The following LUZP1 variants were observed in gnomAD, a reference collection of about 807,000 sequenced individuals.
LUZP1 encodes filamin mechanobinding actin cross-linking protein.
In LUZP1, 25 loss-of-function variants were observed where a neutral mutation model predicts 71.3. That is an observed-to-expected ratio of 0.35 (90% CI 0.26 to 0.49). LUZP1 has a LOEUF of 0.49. Ranked by LOEUF, LUZP1 falls within the 20% of genes least tolerant of loss-of-function variation. The pLI is 0.99. For synonymous variants in LUZP1, 481 were observed against 506.4 expected, an observed-to-expected ratio of 0.95 and a Z score of 0.67; for missense variants, 1,142 against 1,300.8, an observed-to-expected ratio of 0.88 and a Z score of 1.88.
At chr1:23,091,133 A>T in intron 4 of LUZP1, 57 bp downstream of exon 3, 1 of 1,493,170 alleles carries the variant, frequency 6.7e-7, no homozygotes, top group Non-Finnish European at 9.0e-7. Context: ...AAAAAGGAAA[A>T]GGCAAAGAAG....
exon 5 of LUZP1, chr1:23,086,353 T>C (rs1298964886): frequency 6.6e-6 from 1 of 152,644 alleles, no homozygotes; most frequent in African/African-American, 2.4e-5. Context: ...CTGAAATAAC[T>C]GTTACAAGCA....
chr1:23,098,280 A>G (rs930359512), intron 3 of LUZP1, among the ~76,000 whole-genome samples: 5 of 152,214 alleles, frequency 3.3e-5, no homozygotes, highest in Admixed American at 3.3e-4. Context: ...AAACTAATGA[A>G]GTGAAGGTCC....
At chr1:23,113,528 G>A (rs1463546354) in intron 2 of LUZP1, among the ~76,000 whole-genome samples, 1 of 152,020 alleles carries the variant, frequency 6.6e-6, no homozygotes, top group Non-Finnish European at 1.5e-5. Context: ...CCCAGATGCT[G>A]AAATTCTCAG....
intron 2 of LUZP1, among the ~76,000 whole-genome samples, chr1:23,126,448 C>A (rs895993641): frequency 6.6e-6 from 1 of 152,146 alleles, no homozygotes; most frequent in African/African-American, 2.4e-5. Flanking sequence ...TGAGACCCAA[C>A]ATACTTGCTT....
At chr1:23,139,344 T>C (rs189332296) in intron 2 of LUZP1, among the ~76,000 whole-genome samples, 14 of 152,136 alleles carry the variant, frequency 9.2e-5, no homozygotes, top group African/African-American at 3.4e-4. Flanking sequence ...TACAACACAA[T>C]GTGTTAAGTG....
chr1:23,154,294 G>A (rs1431004353), intron 2 of LUZP1, among the ~76,000 whole-genome samples: 2 of 152,128 alleles, frequency 1.3e-5, no homozygotes, highest in Non-Finnish European at 2.9e-5. Context: ...AACTTTGGGA[G>A]GCCACAGTGG....
intron 2 of LUZP1, among the ~76,000 whole-genome samples, chr1:23,110,954 C>CT (rs1322318161): frequency 6.6e-6 from 1 of 152,092 alleles, no homozygotes; most frequent in Non-Finnish European, 1.5e-5. Flanking sequence ...AATCCCAGCA[C>CT]TTTGGGCGGC....
At chr1:23,137,451 G>A (rs1349715729) in intron 2 of LUZP1, among the ~76,000 whole-genome samples, 1 of 152,110 alleles carries the variant, frequency 6.6e-6, no homozygotes, top group African/African-American at 2.4e-5. Context: ...AACCAGCCTG[G>A]CCAACATGTC....
intron 2 of LUZP1, among the ~76,000 whole-genome samples, chr1:23,129,779 C>A (rs1644199650): frequency 6.6e-6 from 1 of 152,114 alleles, no homozygotes; most frequent in African/African-American, 2.4e-5. Context: ...AAAGATTTTC[C>A]TCCCCAGTTC....
At chr1:23,117,601 G>A (rs1461471614) in intron 2 of LUZP1, among the ~76,000 whole-genome samples, 1 of 151,282 alleles carries the variant, frequency 6.6e-6, no homozygotes, top group Non-Finnish European at 1.5e-5. Flanking sequence ...GAGGTGGATG[G>A]GTGGGGCCAG....
chr1:23,084,391 C>T (rs977774903), exon 5 of LUZP1: 3 of 152,112 alleles, frequency 2.0e-5, no homozygotes, highest in African/African-American at 7.2e-5. Flanking sequence ...CTGCTTCCAT[C>T]ATCACATTGC....
chr1:23,084,249 A>C (rs506004), exon 5 of LUZP1: 123,230 of 152,092 alleles, frequency 0.81, 50,347 homozygotes, highest in Non-Finnish European at 0.84. Context: ...TAAAATGGGT[A>C]CACAGGGCTG....
chr1:23,166,291 T>C (rs1347765000), intron 2 of LUZP1, among the ~76,000 whole-genome samples: 1 of 152,100 alleles, frequency 6.6e-6, no homozygotes, highest in Non-Finnish European at 1.5e-5. Context: ...CAGTGCCACT[T>C]CTTACTAGTT....
intron 3 of LUZP1, among the ~76,000 whole-genome samples, chr1:23,095,265 A>G (rs1643886579): frequency 6.6e-6 from 1 of 152,218 alleles, no homozygotes. Context: ...AGCTTTCATG[A>G]ACAATAAGTC....
At chr1:23,144,046 G>A (rs1644324921) in intron 2 of LUZP1, among the ~76,000 whole-genome samples, 1 of 152,174 alleles carries the variant, frequency 6.6e-6, no homozygotes, top group South Asian at 2.1e-4. Flanking sequence ...TATGGTAGTA[G>A]CCTCTTGCAA....
chr1:23,123,981 T>G (rs1457835130), intron 2 of LUZP1, among the ~76,000 whole-genome samples: 1 of 151,958 alleles, frequency 6.6e-6, no homozygotes, highest in African/African-American at 2.4e-5. Context: ...ACAAAAACAT[T>G]CAGATGTCTT....
At position 23,169,025 on chromosome 1, in the gene LUZP1, C is replaced by T. The variant is rs1644535035; in HGVS notation, c.-484-1G>A. The T allele has an allele frequency of 6.6e-6, 1 of 152,166 alleles. No individual in the cohort carries two copies. Among genetic ancestry groups the T allele is most frequent in the South Asian group, 2.1e-4 (1 of 4,838 alleles). The allele number at this position is 152,166 out of a possible 1,614,324, so 9.4% of individuals were successfully genotyped here. A position where few individuals can be genotyped will look rare whatever the true frequency, so the allele number is the denominator to read the frequency against. On this transcript the variant is annotated splice_acceptor_variant, in intron 1 of 4. Transcript: ENST00000302291. LOFTEE classifies it low-confidence loss of function (5UTR_SPLICE). ...GTAGCTGGGTCCTGTGCTAGGCGCC[C>T]TGGGAAATCGAAATGGAAGACAAGA...
At chr1:23,123,037 A>G (rs145801129) in intron 2 of LUZP1, among the ~76,000 whole-genome samples, 4 of 152,240 alleles carry the variant, frequency 2.6e-5, no homozygotes, top group Non-Finnish European at 5.9e-5. Context: ...AATGCTTTTC[A>G]TTCAGGCAGG....
Position 23,150,147 on chromosome 1 carries a change from G to C in LUZP1, c.-226+18619C>G, listed in dbSNP as rs575043116. Among the ~76,000 whole-genome samples the C allele has an allele frequency of 2.6e-5, 4 of 152,126 alleles. No homozygotes were observed. The East Asian group carries it at 7.7e-4, about 29-fold the overall frequency. On this transcript the variant is annotated intron_variant, in intron 2 of 4. Transcript: ENST00000302291. Reference sequence around the variant, plus strand: ...GAAGAGAGAAAGATAACTGATGAGAGTGAGGTACTGGATACTAGAGAATGC... The same window carrying C: ...GAAGAGAGAAAGATAACTGATGAGACTGAGGTACTGGATACTAGAGAATGC...
Sources: gnomAD v4.1 joint callset for allele counts (sites outside exome capture counted in the v4.1 genomes callset) on GRCh38, gnomAD v4.1.1 for gene constraint, MANE v1.5 for transcripts, NCBI Gene and HGNC (gene_info 2026-07-23, HGNC 2026-07-21) for gene names.